UTRN: variants seen among roughly 807,000 people sequenced by gnomAD.
UTRN encodes utrophin, also known as dystrophin-related protein 1.
UTRN carries 283 observed loss-of-function variants against 463.9 expected under a neutral mutation model. That is an observed-to-expected ratio of 0.61 (90% CI 0.55 to 0.67). The LOEUF (loss-of-function observed/expected upper bound fraction) is 0.67, where lower values mean the gene tolerates loss of function less well. UTRN is among the 30% of genes least tolerant of loss of function. The pLI, the probability that UTRN is intolerant of heterozygous loss-of-function variation, is 0.00. For synonymous variants in UTRN, 1,442 were observed against 1,431.5 expected (o/e 1.01, Z -0.17); for missense variants, 3,922 against 4,084.3 (o/e 0.96, Z 1.08).
At chr6:144,748,106 C>G (rs1790960170) in intron 54 of UTRN, 140 bp from the exon 55 acceptor site, 2 of 1,060,944 alleles carry the variant, frequency 1.9e-6, no homozygotes, top group Non-Finnish European at 2.6e-6. Context: ...TCTTTCTTAC[C>G]CTGGACAATT....
chr6:144,552,811 GT>G (rs1209816890), intron 48 of UTRN, among the ~76,000 whole-genome samples: 1 of 152,092 alleles, frequency 6.6e-6, no homozygotes, highest in East Asian at 1.9e-4. Context: ...GGTTTCATTT[GT>G]TTACTGTTAA....
At chr6:144,595,238 T>C (rs1803519842) in intron 51 of UTRN, among the ~76,000 whole-genome samples, 1 of 152,192 alleles carries the variant, frequency 6.6e-6, no homozygotes, top group Non-Finnish European at 1.5e-5. Context: ...GACCAGTGTA[T>C]TAATGTTTAT....
At chr6:144,388,281 T>G (rs1308115269) in intron 2 of UTRN, among the ~76,000 whole-genome samples, 1 of 152,114 alleles carries the variant, frequency 6.6e-6, no homozygotes, top group Non-Finnish European at 1.5e-5. Flanking sequence ...CTTTCCATAT[T>G]CATTATATGT....
intron 9 of UTRN, among the ~76,000 whole-genome samples, chr6:144,435,043 G>A (rs1462942398): frequency 6.6e-6 from 1 of 152,206 alleles, no homozygotes; most frequent in Non-Finnish European, 1.5e-5. Context: ...ATTGGTAAAA[G>A]CCTTTTCAGT....
chr6:144,379,369 A>G (rs761457880), intron 2 of UTRN, among the ~76,000 whole-genome samples: 5 of 152,168 alleles, frequency 3.3e-5, no homozygotes, highest in Non-Finnish European at 7.3e-5. Flanking sequence ...CAGGGTTGCC[A>G]TCATCTGAAG....
intron 2 of UTRN, among the ~76,000 whole-genome samples, chr6:144,400,215 T>G (rs1258746541): frequency 6.6e-6 from 1 of 152,234 alleles, no homozygotes; most frequent in Non-Finnish European, 1.5e-5. Context: ...CAGTGTAAAT[T>G]ATATTCATTC....
At chr6:144,372,712 C>T (rs929400648) in intron 2 of UTRN, among the ~76,000 whole-genome samples, 14 of 151,980 alleles carry the variant, frequency 9.2e-5, no homozygotes, top group South Asian at 4.2e-4. Context: ...CATGTTGGCC[C>T]GGCTGGTCTT....
intron 46 of UTRN, among the ~76,000 whole-genome samples, chr6:144,543,775 CCCT>C (rs1418750186): frequency 6.6e-6 from 1 of 151,882 alleles, no homozygotes; most frequent in Non-Finnish European, 1.5e-5. Context: ...CCTCCTCCTC[CCCT>C]CAAGTTTTGA....
At chr6:144,705,419 T>G (rs980046568) in intron 53 of UTRN, among the ~76,000 whole-genome samples, 17 of 152,284 alleles carry the variant, frequency 1.1e-4, no homozygotes, top group Non-Finnish European at 2.4e-4. Context: ...AGAAATTTAT[T>G]TCTTACAGTT....
chr6:144,493,938 G>T (rs975517242), intron 33 of UTRN, among the ~76,000 whole-genome samples: 1 of 152,208 alleles, frequency 6.6e-6, no homozygotes, highest in African/African-American at 2.4e-5. Flanking sequence ...GAGAGGCAGA[G>T]GTTGCAGTGA....
chr6:144,562,946 A>T (rs1364208431), intron 50 of UTRN, among the ~76,000 whole-genome samples: 1 of 152,270 alleles, frequency 6.6e-6, no homozygotes, highest in South Asian at 2.1e-4. Flanking sequence ...GCATTTCTCT[A>T]ATGCTCAGTA....
At position 144,438,754 on chromosome 6, in the gene UTRN, T is replaced by C; in HGVS notation, c.1251T>C (p.Asp417=). Residue 417 remains aspartate, a synonymous_variant, in exon 12 of 75, where the codon GAT becomes GAC. Transcript: ENST00000367545. ...ESMDRQSRLH[D]VLMELQKKQL... The stretch of plus-strand genomic sequence containing the variant: ...TGTTCCCCACGGACAGGCTGCACGA[T>C]GTGCTGATGGAACTGCAGAAGAAGC... The C allele has an allele frequency of 6.2e-7, 1 of 1,614,182 alleles. No individual in the cohort carries two copies. The highest frequency in any genetic ancestry group is 1.7e-5 in the Admixed American group (1 of 60,018).
At chr6:144,779,359 A>G (rs1775616053) in intron 60 of UTRN, among the ~76,000 whole-genome samples, 1 of 152,206 alleles carries the variant, frequency 6.6e-6, no homozygotes, top group Non-Finnish European at 1.5e-5. Context: ...AAAACTGTGT[A>G]CAGTTGACCC....
rs867928409 is a variant in UTRN, at chr6:144,690,093, T to G, written c.7653-9994T>G. Reference sequence around the variant, plus strand: ...GTTTCTGTTTTTTTTTTTTTTTTTTTTTTGTGTGTGTGTGTGTGTGTGTGT... The same window carrying G: ...GTTTCTGTTTTTTTTTTTTTTTTTTGTTTGTGTGTGTGTGTGTGTGTGTGT... On this transcript the variant is annotated intron_variant, in intron 52 of 74. Transcript: ENST00000367545. 6.4e-3 allele frequency among the ~76,000 whole-genome samples: 216 copies of G among 33,574 alleles called. 2 individuals are homozygous for G. Among genetic ancestry groups the G allele is most frequent in the African/African-American group, 0.022 (152 of 6,758 alleles). The allele number at this position is 33,574 out of a possible 152,430, so 22.0% of individuals were successfully genotyped here.
At chr6:144,370,027 A>C (rs769820684) in intron 2 of UTRN, among the ~76,000 whole-genome samples, 5 of 152,218 alleles carry the variant, frequency 3.3e-5, no homozygotes, top group Non-Finnish European at 5.9e-5. Flanking sequence ...AAATGGACTA[A>C]TGCAAGAAAT....
At chr6:144,521,858 T>G (rs1796121290) in intron 39 of UTRN, 122 bp from the exon 40 acceptor site, 2 of 537,970 alleles carry the variant, frequency 3.7e-6, no homozygotes, top group East Asian at 1.0e-4. Context: ...TAAAACTAAG[T>G]TTTAAAAATT....
chr6:144,315,336 C>G (rs1775213033), intron 2 of UTRN, among the ~76,000 whole-genome samples: 1 of 152,146 alleles, frequency 6.6e-6, no homozygotes, highest in African/African-American at 2.4e-5. Flanking sequence ...GGCAGTAGGT[C>G]AGTCAGGGCA....
chr6:144,342,342 TACACAC>T (rs55809792), intron 2 of UTRN, among the ~76,000 whole-genome samples: 4,295 of 138,296 alleles, frequency 0.031, 165 homozygotes, highest in East Asian at 0.15. Context: ...GGTACACACA[TACACAC>T]ACACACACAC....
At chr6:144,416,411 G>A (rs1371831401) in intron 3 of UTRN, among the ~76,000 whole-genome samples, 1 of 152,212 alleles carries the variant, frequency 6.6e-6, no homozygotes, top group Non-Finnish European at 1.5e-5. Flanking sequence ...AGAGCCAGCT[G>A]ATTCTCCAGA....
Sources: gnomAD v4.1 joint callset for allele counts (sites outside exome capture counted in the v4.1 genomes callset) on GRCh38, gnomAD v4.1.1 for gene constraint, MANE v1.5 for transcripts, NCBI Gene and HGNC (gene_info 2026-07-23, HGNC 2026-07-21) for gene names.